Variants in SLC24A2 observed in about 807,000 individuals in gnomAD.
The protein encoded by SLC24A2 is solute carrier family 24 member 2, also known as sodium/potassium/calcium exchanger 2.
Under a neutral mutation model 62.0 loss-of-function variants are expected in SLC24A2, and 36 were observed. That is an observed-to-expected ratio of 0.58 (90% CI 0.44 to 0.77). SLC24A2 has a LOEUF of 0.77. Among genes scored for constraint, SLC24A2 ranks in the 30% least tolerant of loss-of-function variants. The probability of loss-of-function intolerance (pLI) is 0.00; values close to 1 mark genes in which losing one functional copy is unlikely to be tolerated. For missense variants in SLC24A2, 846 were observed against 817.9 expected (o/e 1.03, Z -0.42); for synonymous variants, 358 against 294.0 (o/e 1.22, Z -2.23).
At chr9:19,844,476 CAT>C in the SLC24A2 span, among the ~76,000 whole-genome samples, 3 of 152,044 alleles carry the variant, frequency 2.0e-5, no homozygotes, top group Admixed American at 6.6e-5. Flanking sequence ...TCTGTTTACT[CAT>C]ATGATAGTTT....
chr9:20,101,434 T>C, the SLC24A2 span, among the ~76,000 whole-genome samples: 2 of 152,234 alleles, frequency 1.3e-5, no homozygotes, highest in East Asian at 3.8e-4. Context: ...ACTGTTTGCC[T>C]TGGGGCAGAT....
At chr9:20,094,997 T>C in the SLC24A2 span, among the ~76,000 whole-genome samples, 1 of 152,166 alleles carries the variant, frequency 6.6e-6, no homozygotes, top group African/African-American at 2.4e-5. Context: ...AAAGCTACCT[T>C]TCCAACTACA....
chr9:19,850,956 TA>T, the SLC24A2 span, among the ~76,000 whole-genome samples: 66 of 25,470 alleles, frequency 2.6e-3, 2 homozygotes, highest in African/African-American at 6.8e-3. Context: ...CATATATATA[TA>T]TATATATATG....
the SLC24A2 span, among the ~76,000 whole-genome samples, chr9:19,972,210 A>C: frequency 2.6e-5 from 4 of 152,142 alleles, no homozygotes; most frequent in African/African-American, 9.7e-5. Context: ...AAAGAGAGAG[A>C]GAGCTACTGT....
chr9:19,764,182 G>A (rs749369618), intron 2 of SLC24A2, among the ~76,000 whole-genome samples: 35 of 151,998 alleles, frequency 2.3e-4, no homozygotes, highest in South Asian at 4.1e-4. Flanking sequence ...TTTTTATTGC[G>A]TCTATTTGAT....
the SLC24A2 span, among the ~76,000 whole-genome samples, chr9:19,813,937 G>T: frequency 3.5e-4 from 53 of 152,226 alleles, no homozygotes; most frequent in East Asian, 3.5e-3. Flanking sequence ...CCAGAAGTGA[G>T]AAATAAATTT....
the SLC24A2 span, among the ~76,000 whole-genome samples, chr9:20,194,884 T>C: frequency 1.3e-5 from 2 of 151,948 alleles, no homozygotes; most frequent in African/African-American, 2.4e-5. Flanking sequence ...CTACATCTTT[T>C]CCCATCACAA....
At chr9:20,235,434 G>T in the SLC24A2 span, among the ~76,000 whole-genome samples, 1 of 152,130 alleles carries the variant, frequency 6.6e-6, no homozygotes, top group Non-Finnish European at 1.5e-5. Context: ...GCAATGGCAG[G>T]TGCCCCTCCC....
the SLC24A2 span, among the ~76,000 whole-genome samples, chr9:19,992,850 T>A: frequency 1.4e-4 from 22 of 152,200 alleles, no homozygotes; most frequent in Non-Finnish European, 3.1e-4. Context: ...GAGCTGGGAA[T>A]CCCTTCCTGG....
chr9:20,030,483 A>T, the SLC24A2 span, among the ~76,000 whole-genome samples: 6 of 152,156 alleles, frequency 3.9e-5, no homozygotes, highest in African/African-American at 1.4e-4. Flanking sequence ...CCATACTATG[A>T]GGAGGAAGGG....
the SLC24A2 span, among the ~76,000 whole-genome samples, chr9:20,191,305 G>A: frequency 6.6e-6 from 1 of 151,976 alleles, no homozygotes; most frequent in African/African-American, 2.4e-5. Flanking sequence ...TGTTTCTGCG[G>A]ACATAAAAAT....
intron 10 of SLC24A2, among the ~76,000 whole-genome samples, chr9:19,519,389 TAAG>T (rs1418057463): frequency 2.0e-5 from 3 of 151,094 alleles, no homozygotes; most frequent in Admixed American, 6.6e-5. Flanking sequence ...GTATACAACT[TAAG>T]AATAATGAAC....
chr9:20,002,118 T>C, the SLC24A2 span, among the ~76,000 whole-genome samples: 1 of 152,194 alleles, frequency 6.6e-6, no homozygotes, highest in African/African-American at 2.4e-5. Context: ...AGGATTGTTT[T>C]AGTACCACCA....
the SLC24A2 span, among the ~76,000 whole-genome samples, chr9:20,208,919 C>G: frequency 3.9e-5 from 6 of 152,202 alleles, no homozygotes; most frequent in Non-Finnish European, 8.8e-5. Context: ...TCTGGCCAGT[C>G]AGCAACGTGG....
rs1818293509 is a variant in SLC24A2 at position 19,635,682 on chromosome 9, C to T, written c.931-13383G>A. ...TCCAAGTTCTTACAATAAAAAATTT[C>T]AAACATAGGAAAAGCTCAGAATAGC... On this transcript the variant is annotated intron_variant, in intron 2 of 10. Coordinates refer to ENST00000341998, the MANE Select transcript of SLC24A2 (RefSeq NM_020344.4). Among the ~76,000 whole-genome samples, 3 of 152,198 alleles carry T rather than the reference C, an allele frequency of 2.0e-5. No individual in the cohort carries two copies. In the South Asian group the frequency reaches 6.2e-4, roughly 32 times the overall value.
chr9:19,958,159 A>G, the SLC24A2 span: 1 of 152,140 alleles, frequency 6.6e-6, no homozygotes, highest in African/African-American at 2.4e-5. Flanking sequence ...GGGCATCCTC[A>G]TAGCCTGGCA....
the SLC24A2 span, among the ~76,000 whole-genome samples, chr9:20,300,134 G>T: frequency 4.6e-5 from 7 of 152,190 alleles, no homozygotes; most frequent in Non-Finnish European, 1.0e-4. Flanking sequence ...AATTTTTATG[G>T]ATACATAGTA....
the SLC24A2 span, among the ~76,000 whole-genome samples, chr9:20,273,250 G>C: frequency 1.3e-5 from 2 of 152,264 alleles, no homozygotes; most frequent in African/African-American, 4.8e-5. Context: ...GTGAAAGCTA[G>C]CCATAAAAGA....
At chr9:19,963,919 C>T in the SLC24A2 span, among the ~76,000 whole-genome samples, 20 of 152,150 alleles carry the variant, frequency 1.3e-4, 2 homozygotes, top group African/African-American at 2.4e-4. Flanking sequence ...CACATGCACA[C>T]GTATGTTTAT....
Sources: allele counts gnomAD v4.1 joint callset (sites outside exome capture counted in the v4.1 genomes callset), GRCh38; gene constraint gnomAD v4.1.1; transcripts MANE v1.5; gene names NCBI Gene and HGNC (gene_info 2026-07-23, HGNC 2026-07-21).